The following RAG2 variants were observed in gnomAD, a reference collection of about 807,000 sequenced individuals.
The protein encoded by RAG2 is V(D)J recombination-activating protein 2.
A neutral mutation model predicts 31.8 loss-of-function variants in RAG2; 16 were observed. That is an observed-to-expected ratio of 0.50 (90% CI 0.34 to 0.76). The LOEUF is 0.76. Ranked by LOEUF, RAG2 falls within the 30% of genes least tolerant of loss-of-function variation. RAG2 has a pLI of 0.01. For synonymous variants in RAG2, 199 were observed against 215.9 expected (o/e 0.92, Z 0.68); for missense variants, 622 against 628.5 (o/e 0.99, Z 0.11).
downstream of RAG2, among the ~76,000 whole-genome samples, chr11:36,591,740 T>C (rs1851023940): frequency 6.6e-6 from 1 of 152,170 alleles, no homozygotes; most frequent in African/African-American, 2.4e-5. Context: ...ATGAGATTTA[T>C]TTGGTGGTCC....
rs1467283338 is a variant in RAG2, at chr11:36,592,597, C to A, written c.1572G>T (p.Arg524Ser). Residue 524 changes from arginine to serine, a missense_variant, in exon 2 of 2, where the codon AGG becomes AGT. Coordinates refer to ENST00000311485, the MANE Select transcript of RAG2 (RefSeq NM_000536.4). ...LTPAKKSFLR[R>S]LFD ...GGCTTTTGCAAAACTAATCAAACAA[C>A]CTTCTAAGAAAGGATTTCTTGGCAG... The A allele has an allele frequency of 6.2e-7, 1 of 1,614,000 alleles. No homozygotes were observed. Among genetic ancestry groups the A allele is most frequent in the Admixed American group, 1.7e-5 (1 of 60,016 alleles).
In RAG2 at chr11:36,593,173, T is replaced by C. The variant is rs771084047; in HGVS notation, c.996A>G (p.Pro332=). 8 of 1,614,096 alleles carry C rather than the reference T, an allele frequency of 5.0e-6. No individual in the cohort carries two copies. The highest frequency in any genetic ancestry group is 6.8e-6 in the Non-Finnish European group (8 of 1,180,046). ...MGNGTVFLGI[P]GDNKQVVSEG... ...CTGAAACAACTTGTTTATTGTCTCC[T>C]GGTATGCCAAGAAAAACAGTTCCAT... The change falls in exon 2 of 2, where the codon CCA becomes CCG. Residue 332 remains proline (P), a synonymous_variant. Transcript: ENST00000311485.
Position 36,592,172 on chromosome 11 carries a change from TAATC to T in RAG2, c.*409_*412del, listed in dbSNP as rs1379734686. 4.6e-6 allele frequency: 1 copy of T among 216,114 alleles called. No homozygotes were observed. Among genetic ancestry groups the T allele is most frequent in the African/African-American group, 2.4e-5 (1 of 42,086 alleles). The allele number at this position is 216,114 out of a possible 1,614,324, so 13.4% of individuals were successfully genotyped here. ...TGCCGAATTGTTATGTTGCACAAAA[TAATC>T]AATTTAATTCTTTTGGGTGTTAATT... On this transcript the variant is annotated 3_prime_UTR_variant, in exon 2 of 2. Coordinates refer to ENST00000311485, the MANE Select transcript of RAG2 (RefSeq NM_000536.4).
At position 36,592,801 on chromosome 11, in the gene RAG2, A is replaced by C. The variant is rs768965648; in HGVS notation, c.1368T>G (p.Ala456=). Reference sequence around the variant, plus strand: ...TGCGTTCTGCCAGATCCATGCACTGAGCATGGACCCAGTGCCCATCCCCAT... The same window carrying C: ...TGCGTTCTGCCAGATCCATGCACTGCGCATGGACCCAGTGCCCATCCCCAT... ...CSHGDGHWVH[A]QCMDLAERTL... is the part of the protein sequence containing the mutation. The change falls in exon 2 of 2, where the codon GCT becomes GCG. Residue 456 remains alanine (A), a synonymous_variant. Transcript: ENST00000311485. The C allele has an allele frequency of 6.2e-7, 1 of 1,613,994 alleles. No homozygotes were observed. Among genetic ancestry groups the C allele is most frequent in the East Asian group, 2.2e-5 (1 of 44,864 alleles).
In RAG2 at chr11:36,597,620, G is replaced by A. The variant is rs1306842372; in HGVS notation, c.-28+482C>T. The A allele has an allele frequency of 2.0e-5, 3 of 152,128 alleles. No individual in the cohort carries two copies. The East Asian group carries it at 5.8e-4, about 29-fold the overall frequency. The allele number at this position is 152,128 out of a possible 1,614,324, so 9.4% of individuals were successfully genotyped here. On this transcript the variant is annotated intron_variant, in intron 1 of 1. Coordinates refer to ENST00000311485, the MANE Select transcript of RAG2 (RefSeq NM_000536.4). ...TCTGGGTTTATAGTTCCTAATATCTGAACTGACTTTTTCTTTTCCAAAGAA... is the reference window on the plus strand; with the variant it reads ...TCTGGGTTTATAGTTCCTAATATCTAAACTGACTTTTTCTTTTCCAAAGAA...
At chr11:36,596,130 T>C (rs1484966620) in intron 1 of RAG2, among the ~76,000 whole-genome samples, 1 of 152,124 alleles carries the variant, frequency 6.6e-6, no homozygotes, top group Non-Finnish European at 1.5e-5. Flanking sequence ...GATACTATAA[T>C]TTATCTAATT....
At chr11:36,594,298 G>A in intron 1 of RAG2, 103 bp from the exon 2 acceptor site, 1 of 771,332 alleles carries the variant, frequency 1.3e-6, no homozygotes, top group Non-Finnish European at 2.2e-6. Context: ...CCTCCCACAC[G>A]CTTGCAGTGG....
At position 36,593,413 on chromosome 11, in the gene RAG2, C is replaced by A; in HGVS notation, c.756G>T (p.Leu252Phe). The A allele has an allele frequency of 1.9e-6, 3 of 1,613,966 alleles. No homozygotes were observed. The highest frequency in any genetic ancestry group is 2.5e-6 in the Non-Finnish European group (3 of 1,180,026). Reference protein sequence around the residue: ...LGSPAVNCTVLPGGISVSSAI... With the variant: ...LGSPAVNCTVFPGGISVSSAI... ...CACTGGAGACAGAGATTCCTCCTGG[C>A]AAGACTGTGCAATTCACAGCTGGGC... is the stretch of plus-strand genomic sequence containing the variant. The change falls in exon 2 of 2, where the codon TTG (leucine) becomes TTT (phenylalanine). Residue 252 changes from leucine (L) to phenylalanine (F), a missense_variant. Coordinates refer to ENST00000311485, the MANE Select transcript of RAG2 (RefSeq NM_000536.4).
intron 1 of RAG2, among the ~76,000 whole-genome samples, chr11:36,596,569 G>A (rs1312247457): frequency 6.6e-6 from 1 of 152,154 alleles, no homozygotes; most frequent in East Asian, 1.9e-4. Flanking sequence ...ACTAAAAGGA[G>A]ACATTATTGA....
At position 36,593,141 on chromosome 11, in the gene RAG2, A is replaced by G. The variant is rs957246394; in HGVS notation, c.1028T>C (p.Phe343Ser). Residue 343 changes from phenylalanine to serine, a missense_variant, in exon 2 of 2, where the codon TTC (phenylalanine) becomes TCC (serine). Transcript: ENST00000311485. ...AGCACATTTCAACATATAGAAATAG[A>G]ATCCTTCTGAAACAACTTGTTTATT... ...GDNKQVVSEG[F>S]YFYMLKCAED... 2.5e-6 allele frequency: 4 copies of G among 1,614,026 alleles called. No individual in the cohort carries two copies. The highest frequency in any genetic ancestry group is 3.4e-6 in the Non-Finnish European group (4 of 1,180,020).
rs1243664769 is a variant in RAG2 at position 36,596,211 on chromosome 11, G to GTTTTTTTTTTTTTTT, written c.-28+1890_-28+1891insAAAAAAAAAAAAAAA. Among the ~76,000 whole-genome samples, 6 of 101,154 alleles carry GTTTTTTTTTTTTTTT rather than the reference G, an allele frequency of 5.9e-5. 1 individual carries two copies. The highest frequency in any genetic ancestry group is 2.5e-4 in the African/African-American group (6 of 24,284). 66.4% of individuals were successfully genotyped at this position (101,154 alleles called of 152,430 possible). A position where few individuals can be genotyped will look rare whatever the true frequency, so the allele number is the denominator to read the frequency against. On this transcript the variant is annotated intron_variant, in intron 1 of 1. Coordinates refer to ENST00000311485, the MANE Select transcript of RAG2 (RefSeq NM_000536.4). ...CTGGTCACTCTAATGAGATGGTAGT[G>GTTTTTTTTTTTTTTT]TTTTTTTTTTGTTTTTTTTTTTTTT...
In RAG2 at chr11:36,596,222, G is replaced by GCT. The variant is rs1554947874; in HGVS notation, c.-28+1879_-28+1880insAG. On this transcript the variant is annotated intron_variant, in intron 1 of 1. Coordinates refer to ENST00000311485, the MANE Select transcript of RAG2 (RefSeq NM_000536.4). ...AATGAGATGGTAGTGTTTTTTTTTT[G>GCT]TTTTTTTTTTTTTTTGCTTTAAAGA... 9.0e-4 allele frequency among the ~76,000 whole-genome samples: 106 copies of GCT among 118,380 alleles called. 1 individual carries two copies. The highest frequency in any genetic ancestry group is 5.2e-3 in the Middle Eastern group (1 of 192). The allele number at this position is 118,380 out of a possible 152,430, so 77.7% of individuals were successfully genotyped here.
chr11:36,597,022 C>G (rs981496754), intron 1 of RAG2, among the ~76,000 whole-genome samples: 7 of 152,046 alleles, frequency 4.6e-5, no homozygotes, highest in African/African-American at 1.7e-4. Flanking sequence ...AATTTCAAGG[C>G]CCTAAAAACA....
chr11:36,594,243 C>A, intron 1 of RAG2, 48 bp from the exon 2 acceptor site: 1 of 1,208,988 alleles, frequency 8.3e-7, no homozygotes, highest in African/African-American at 1.5e-5. Flanking sequence ...TTCATATAAT[C>A]ATCGTATTTA....
rs961789477 is a variant in RAG2 at position 36,592,520 on chromosome 11, A to T, written c.*65T>A. 3 of 1,566,050 alleles carry T rather than the reference A, an allele frequency of 1.9e-6. No homozygotes were observed. Among genetic ancestry groups the T allele is most frequent in the Non-Finnish European group, 2.6e-6 (3 of 1,150,574 alleles). ...AAACAAAAATGTATTTTTAAAATCAATGTTATGATTTTAAAAATAGATTCA... is the reference window on the plus strand; with the variant it reads ...AAACAAAAATGTATTTTTAAAATCATTGTTATGATTTTAAAAATAGATTCA... On this transcript the variant is annotated 3_prime_UTR_variant, in exon 2 of 2. Transcript: ENST00000311485.
At chr11:36,596,751 A>G (rs946659618) in intron 1 of RAG2, among the ~76,000 whole-genome samples, 2 of 152,230 alleles carry the variant, frequency 1.3e-5, no homozygotes, top group African/African-American at 4.8e-5. Context: ...TGGATTCCAG[A>G]TCCAAAGGGA....
downstream of RAG2, chr11:36,591,910 T>C (rs911431512): frequency 6.6e-6 from 1 of 152,226 alleles, no homozygotes; most frequent in Non-Finnish European, 1.5e-5. Flanking sequence ...TTAAAGAAAA[T>C]GCATACAAGT....
chr11:36,596,932 T>C (rs963715034), intron 1 of RAG2, among the ~76,000 whole-genome samples: 1 of 152,208 alleles, frequency 6.6e-6, no homozygotes, highest in African/African-American at 2.4e-5. Flanking sequence ...TTTTGTAGCT[T>C]AGTCTAGGCC....
At position 36,593,130 on chromosome 11, in the gene RAG2, T is replaced by C; in HGVS notation, c.1039A>G (p.Met347Val). The change falls in exon 2 of 2, where the codon ATG (methionine) becomes GTG (valine). Residue 347 changes from methionine to valine, a missense_variant. By Grantham distance (21) the Met-to-Val change is conservative (BLOSUM62 1). Coordinates refer to ENST00000311485, the MANE Select transcript of RAG2 (RefSeq NM_000536.4). ...GTATCATCTTCAGCACATTTCAACA[T>C]ATAGAAATAGAATCCTTCTGAAACA... ...QVVSEGFYFYMLKCAEDDTNE... is the reference protein window; with the variant it reads ...QVVSEGFYFYVLKCAEDDTNE... 1 of 1,614,168 alleles carries C rather than the reference T, an allele frequency of 6.2e-7. No individual in the cohort carries two copies. Among genetic ancestry groups the C allele is most frequent in the Non-Finnish European group, 8.5e-7 (1 of 1,180,012 alleles).
Sources: gnomAD v4.1 joint callset for allele counts (sites outside exome capture counted in the v4.1 genomes callset) on GRCh38, gnomAD v4.1.1 for gene constraint, MANE v1.5 for transcripts, NCBI Gene and HGNC (gene_info 2026-07-23, HGNC 2026-07-21) for gene names.